The following RCOR1 variants were observed in gnomAD, a reference collection of about 807,000 sequenced individuals.
RCOR1 encodes REST corepressor.
In RCOR1, 12 loss-of-function variants were observed where a neutral mutation model predicts 64.0. The observed-to-expected ratio is 0.19, with a 90% CI of 0.12 to 0.30. The LOEUF is 0.30. Among genes scored for constraint, RCOR1 ranks in the 10% least tolerant of loss-of-function variants. The pLI is 1.00. For missense variants in RCOR1, 502 were observed against 621.2 expected, an observed-to-expected ratio of 0.81 and a Z score of 2.04; for synonymous variants, 279 against 227.2, an observed-to-expected ratio of 1.23 and a Z score of -2.05.
chr14:102,656,833 T>C (rs938577130), intron 2 of RCOR1, among the ~76,000 whole-genome samples: 3 of 151,498 alleles, frequency 2.0e-5, no homozygotes, highest in Non-Finnish European at 4.4e-5. Flanking sequence ...TGTAGTGCAG[T>C]CGCGCAATCT....
intron 6 of RCOR1, among the ~76,000 whole-genome samples, chr14:102,709,980 A>G (rs552816918): frequency 1.2e-4 from 18 of 152,296 alleles, no homozygotes; most frequent in African/African-American, 4.3e-4. Flanking sequence ...GTGCACCTCA[A>G]CCACTTTTGG....
At chr14:102,657,537 C>G (rs1291938698) in intron 2 of RCOR1, 1 of 983,308 alleles carries the variant, frequency 1.0e-6, no homozygotes, top group African/African-American at 1.8e-5. Flanking sequence ...TGTTTACTCT[C>G]AAGATCTGAT....
At chr14:102,641,408 T>TTGGTTCG (rs1168019088) in intron 2 of RCOR1, among the ~76,000 whole-genome samples, 7 of 152,134 alleles carry the variant, frequency 4.6e-5, no homozygotes, top group Non-Finnish European at 4.4e-5. Context: ...GGGACCAACC[T>TTGGTTCG]GGGCAACATG....
At chr14:102,600,244 C>A (rs1391318812) in intron 2 of RCOR1, among the ~76,000 whole-genome samples, 1 of 151,506 alleles carries the variant, frequency 6.6e-6, no homozygotes, top group Non-Finnish European at 1.5e-5. Context: ...CCCACCACCA[C>A]GCCCGGCTAA....
intron 3 of RCOR1, among the ~76,000 whole-genome samples, chr14:102,694,721 T>C (rs1390759582): frequency 6.6e-6 from 1 of 152,248 alleles, no homozygotes; most frequent in Non-Finnish European, 1.5e-5. Flanking sequence ...ACTGTAGTAA[T>C]GTCTGTACCC....
At chr14:102,719,242 CT>C (rs147285559) in intron 8 of RCOR1, among the ~76,000 whole-genome samples, 31 of 152,234 alleles carry the variant, frequency 2.0e-4, no homozygotes, top group African/African-American at 7.2e-4. Flanking sequence ...GATATTTCTT[CT>C]TCTTCTTCTT....
At chr14:102,691,221 A>G (rs1895524820) in intron 3 of RCOR1, among the ~76,000 whole-genome samples, 1 of 152,208 alleles carries the variant, frequency 6.6e-6, no homozygotes, top group South Asian at 2.1e-4. Context: ...TTAAACAAAT[A>G]CCACATATTC....
chr14:102,635,550 A>G (rs900257294), intron 2 of RCOR1, among the ~76,000 whole-genome samples: 5 of 152,198 alleles, frequency 3.3e-5, no homozygotes, highest in Non-Finnish European at 4.4e-5. Flanking sequence ...ATGTATATAC[A>G]TATACAGAAA....
chr14:102,636,269 T>TAAA (rs1309912603), intron 2 of RCOR1, among the ~76,000 whole-genome samples: 5 of 151,812 alleles, frequency 3.3e-5, no homozygotes, highest in Admixed American at 3.3e-4. Context: ...AAATTTTTTT[T>TAAA]AACGTAGAAA....
chr14:102,675,772 C>CTT (rs1895132525), intron 2 of RCOR1, among the ~76,000 whole-genome samples: 1 of 152,212 alleles, frequency 6.6e-6, no homozygotes, highest in African/African-American at 2.4e-5. Context: ...CTACCTCAGA[C>CTT]TTTCTTAAGC....
intron 2 of RCOR1, among the ~76,000 whole-genome samples, chr14:102,610,199 G>A (rs2139888732): frequency 6.6e-6 from 1 of 151,326 alleles, no homozygotes; most frequent in East Asian, 1.9e-4. Context: ...TAGTTAATTT[G>A]AATATTAATA....
rs555699215 is a variant in RCOR1 at position 102,633,719 on chromosome 14, A to G, written c.361+40394A>G. ...CACGCCCGGCTAACTTTGTATTTTT[A>G]GTAGAGACAGGGTTTCACCATGTTG... is the stretch of plus-strand genomic sequence containing the variant. On this transcript the variant is annotated intron_variant, in intron 2 of 11. Transcript: ENST00000262241. 5.0e-4 allele frequency among the ~76,000 whole-genome samples: 76 copies of G among 151,912 alleles called. 1 individual carries two copies. Among genetic ancestry groups the G allele is most frequent in the Admixed American group, 1.2e-3 (19 of 15,282 alleles).
chr14:102,663,368 G>A (rs1339960686), intron 2 of RCOR1, among the ~76,000 whole-genome samples: 4 of 152,178 alleles, frequency 2.6e-5, no homozygotes. Flanking sequence ...GGTTTTCTAT[G>A]TTCCCTTCTA....
intron 2 of RCOR1, among the ~76,000 whole-genome samples, chr14:102,594,467 T>C (rs1443603351): frequency 6.6e-6 from 1 of 152,190 alleles, no homozygotes; most frequent in African/African-American, 2.4e-5. Flanking sequence ...GGTACTAAAC[T>C]GCACTTTGAA....
intron 2 of RCOR1, among the ~76,000 whole-genome samples, chr14:102,678,064 G>A (rs1451570236): frequency 0.017 from 2,128 of 122,116 alleles, no homozygotes; most frequent in Non-Finnish European, 0.023. Context: ...CCAGTCAGGC[G>A]TGGCGGCGCG....
chr14:102,649,278 G>T (rs1484118225), intron 2 of RCOR1, among the ~76,000 whole-genome samples: 2 of 152,100 alleles, frequency 1.3e-5, no homozygotes, highest in Non-Finnish European at 2.9e-5. Context: ...CTACGAGAGT[G>T]CCATAACACT....
intron 2 of RCOR1, among the ~76,000 whole-genome samples, chr14:102,647,043 CAA>C (rs1414173917): frequency 6.6e-6 from 1 of 152,164 alleles, no homozygotes; most frequent in Non-Finnish European, 1.5e-5. Flanking sequence ...TGAGAGGAAA[CAA>C]TATTAAATCA....
intron 8 of RCOR1, among the ~76,000 whole-genome samples, chr14:102,717,827 C>G (rs188847320): frequency 3.3e-5 from 5 of 151,988 alleles, no homozygotes; most frequent in Admixed American, 1.3e-4. Context: ...ATTTGAAGGT[C>G]GCTCACAATT....
intron 3 of RCOR1, among the ~76,000 whole-genome samples, chr14:102,698,137 G>T (rs1175970202): frequency 1.3e-5 from 2 of 152,236 alleles, no homozygotes; most frequent in African/African-American, 2.4e-5. Context: ...GGGATCTACT[G>T]TTACTGTCTT....
Sources: allele counts gnomAD v4.1 joint callset (sites outside exome capture counted in the v4.1 genomes callset), GRCh38; gene constraint gnomAD v4.1.1; transcripts MANE v1.5; gene names NCBI Gene and HGNC (gene_info 2026-07-23, HGNC 2026-07-21).